EDIL3: variants seen among roughly 807,000 people sequenced by gnomAD.
EDIL3 encodes EGF-like repeat and discoidin I-like domain-containing protein 3.
EDIL3 carries 37 observed loss-of-function variants against 67.4 expected under a neutral mutation model. The ratio of observed to expected loss-of-function variants is 0.55; its 90% CI spans 0.42 to 0.72. EDIL3 has a LOEUF of 0.72. EDIL3 is among the 30% of genes least tolerant of loss of function. The pLI, the probability that EDIL3 is intolerant of heterozygous loss-of-function variation, is 0.00. For missense variants in EDIL3, 527 were observed against 586.3 expected (o/e 0.90, Z 1.04); for synonymous variants, 195 against 196.3 (o/e 0.99, Z 0.05).
chr5:83,964,136 G>T (rs1227370994), intron 9 of EDIL3, among the ~76,000 whole-genome samples: 3 of 151,882 alleles, frequency 2.0e-5, no homozygotes, highest in African/African-American at 7.2e-5. Context: ...TAATTGACAT[G>T]CAAAAGATAG....
intron 1 of EDIL3, among the ~76,000 whole-genome samples, chr5:84,290,126 T>G (rs532388522): frequency 0.014 from 2,067 of 152,242 alleles, 55 homozygotes; most frequent in African/African-American, 0.048. Flanking sequence ...TCCCTACTCA[T>G]TCTCCTGCCC....
chr5:84,242,016 C>G lies in EDIL3; in HGVS notation c.196+12068G>C, dbSNP rs573142866. Among the ~76,000 whole-genome samples the G allele has an allele frequency of 1.7e-4, 25 of 146,230 alleles. No homozygotes were observed. The South Asian group carries it at 5.3e-3, about 31-fold the overall frequency. ...TGGGCAGATCACGAAGTCAGGAGAT[C>G]GAGACCATCCTGGCTAAAACAGTGA... On this transcript the variant is annotated intron_variant, in intron 2 of 10. Coordinates refer to ENST00000296591, the MANE Select transcript of EDIL3 (RefSeq NM_005711.5).
At chr5:83,977,809 C>G (rs145812875) in intron 9 of EDIL3, among the ~76,000 whole-genome samples, 18 of 151,812 alleles carry the variant, frequency 1.2e-4, no homozygotes, top group African/African-American at 3.9e-4. Context: ...ATTTTGTCAA[C>G]ATTTTAACCA....
At chr5:84,310,013 C>T (rs979087770) in intron 1 of EDIL3, among the ~76,000 whole-genome samples, 27 of 152,162 alleles carry the variant, frequency 1.8e-4, no homozygotes, top group African/African-American at 6.5e-4. Flanking sequence ...GTTATCACTG[C>T]TTCCCCTCAA....
At chr5:84,208,641 T>C (rs1214373726) in intron 3 of EDIL3, among the ~76,000 whole-genome samples, 1 of 123,384 alleles carries the variant, frequency 8.1e-6, no homozygotes, top group Admixed American at 1.1e-4. Flanking sequence ...ATTGCGCCAC[T>C]GCAGTCCGCA....
chr5:84,122,213 A>G (rs1747789318), intron 5 of EDIL3, among the ~76,000 whole-genome samples: 1 of 151,942 alleles, frequency 6.6e-6, no homozygotes, highest in South Asian at 2.1e-4. Flanking sequence ...GACTGTCCAT[A>G]ACTCTTTCCT....
intron 4 of EDIL3, among the ~76,000 whole-genome samples, chr5:84,154,636 T>C (rs1239245015): frequency 6.6e-6 from 1 of 151,554 alleles, no homozygotes; most frequent in Non-Finnish European, 1.5e-5. Context: ...AGTATTTTTA[T>C]TGAAATGTAC....
chr5:84,294,803 C>A (rs1324844176), intron 1 of EDIL3, among the ~76,000 whole-genome samples: 1 of 151,990 alleles, frequency 6.6e-6, no homozygotes, highest in Non-Finnish European at 1.5e-5. Context: ...TTTGTAAATC[C>A]CAACAATGAA....
At position 84,265,109 on chromosome 5, in the gene EDIL3, A is replaced by T. The variant is rs147762869; in HGVS notation, c.68-10897T>A. On this transcript the variant is annotated intron_variant, in intron 1 of 10. Transcript: ENST00000296591. ...AAACTGTTATATCAATTTTTCAGGC[A>T]GAAAGGTATGTAATGTTAAAATTAC... 2.3e-3 allele frequency among the ~76,000 whole-genome samples: 354 copies of T among 152,356 alleles called. 1 individual carries two copies. The highest frequency in any genetic ancestry group is 8.3e-3 in the African/African-American group (346 of 41,582).
rs1033170597 is a variant in EDIL3 at position 84,208,456 on chromosome 5, G to A, written c.226+21399C>T. Among the ~76,000 whole-genome samples the A allele has an allele frequency of 8.4e-3, 1,271 of 151,580 alleles. 14 individuals carry two copies. The highest frequency in any genetic ancestry group is 0.029 in the African/African-American group (1,208 of 41,370). On this transcript the variant is annotated intron_variant, in intron 3 of 10. Coordinates refer to ENST00000296591, the MANE Select transcript of EDIL3 (RefSeq NM_005711.5). ...GCACTTTGGGAGGCCGAGGCGGGTG[G>A]ATCATGAGGTCAGGAGATCGAGACC...
chr5:84,100,272 C>T (rs184562616), intron 6 of EDIL3, among the ~76,000 whole-genome samples: 160 of 152,228 alleles, frequency 1.1e-3, no homozygotes, highest in Non-Finnish European at 2.0e-3. Context: ...AAGACACATG[C>T]ACATGTGTGT....
At chr5:84,331,187 T>G (rs1220819941) in intron 1 of EDIL3, among the ~76,000 whole-genome samples, 1 of 152,226 alleles carries the variant, frequency 6.6e-6, no homozygotes, top group Non-Finnish European at 1.5e-5. Flanking sequence ...ACTTGCCTTA[T>G]CTCAGCTGAG....
chr5:84,103,899 G>T (rs1435806648), intron 6 of EDIL3, among the ~76,000 whole-genome samples: 1 of 151,960 alleles, frequency 6.6e-6, no homozygotes, highest in East Asian at 1.9e-4. Context: ...ATTGTTCTAT[G>T]ATAAAGGCAC....
intron 1 of EDIL3, among the ~76,000 whole-genome samples, chr5:84,339,856 G>A (rs555504418): frequency 6.6e-6 from 1 of 152,148 alleles, no homozygotes; most frequent in East Asian, 1.9e-4. Context: ...ACTTTCTTAA[G>A]TAGCCTTAAT....
chr5:83,995,495 C>T (rs1007135079), intron 9 of EDIL3, among the ~76,000 whole-genome samples: 7 of 152,034 alleles, frequency 4.6e-5, no homozygotes, highest in Admixed American at 3.3e-4. Flanking sequence ...ACTGCTGAGT[C>T]GTTGCATACT....
At chr5:84,139,324 A>G (rs1259345973) in intron 4 of EDIL3, among the ~76,000 whole-genome samples, 4 of 135,980 alleles carry the variant, frequency 2.9e-5, no homozygotes, top group South Asian at 5.5e-4. Flanking sequence ...GGAGGGAGGC[A>G]GTGAGGGAGG....
chr5:84,165,420 C>G (rs147316176), intron 4 of EDIL3, among the ~76,000 whole-genome samples: 1 of 152,070 alleles, frequency 6.6e-6, no homozygotes, highest in South Asian at 2.1e-4. Flanking sequence ...TTGTGACTAC[C>G]GTTTCTCAAG....
rs145800467 is a variant in EDIL3 at position 84,312,857 on chromosome 5, G to A, written c.68-58645C>T. 5.0e-4 allele frequency among the ~76,000 whole-genome samples: 76 copies of A among 152,246 alleles called. No homozygotes were observed. In the East Asian group the frequency reaches 0.014, roughly 29 times the overall value. On this transcript the variant is annotated intron_variant, in intron 1 of 10. Transcript: ENST00000296591. ...GTGCCTCTTTCCTCATCAAATAAATGACTTAAATATAAACACAATTTTAGC... is the reference window on the plus strand; with the variant it reads ...GTGCCTCTTTCCTCATCAAATAAATAACTTAAATATAAACACAATTTTAGC...
chr5:83,963,576 T>A (rs1007552293), intron 9 of EDIL3, among the ~76,000 whole-genome samples: 2 of 151,700 alleles, frequency 1.3e-5, no homozygotes, highest in Non-Finnish European at 3.0e-5. Context: ...ACAACCATTT[T>A]TACCATTTTG....
Sources: allele counts gnomAD v4.1 joint callset (sites outside exome capture counted in the v4.1 genomes callset), GRCh38; gene constraint gnomAD v4.1.1; transcripts MANE v1.5; gene names NCBI Gene and HGNC (gene_info 2026-07-23, HGNC 2026-07-21).